The following MARCHF11 variants were observed in gnomAD, a reference collection of about 807,000 sequenced individuals.
MARCHF11 encodes membrane associated ring-CH-type finger 11, also known as E3 ubiquitin-protein ligase MARCHF11.
Under a neutral mutation model 37.3 loss-of-function variants are expected in MARCHF11, and 29 were observed. The ratio of observed to expected loss-of-function variants is 0.78; its 90% CI spans 0.58 to 1.06. MARCHF11 has a LOEUF of 1.06. Ranked by LOEUF, MARCHF11 falls within the 50% of genes least tolerant of loss-of-function variation. MARCHF11 has a pLI of 0.00. For synonymous variants in MARCHF11, 233 were observed against 228.0 expected (o/e 1.02, Z -0.20); for missense variants, 482 against 533.4 (o/e 0.90, Z 0.95).
chr5:16,067,387 T>C lies in MARCHF11; in HGVS notation c.*84A>G, dbSNP rs1244517239. ...TTTAAAAAGTTCATAGATGTGTTTT[T>C]AGAAGTGCTATGGTTTTGCCATTCA... On this transcript the variant is annotated 3_prime_UTR_variant, in exon 4 of 4. Coordinates refer to ENST00000332432, the MANE Select transcript of MARCHF11 (RefSeq NM_001102562.3). 4 of 1,256,184 alleles carry C rather than the reference T, an allele frequency of 3.2e-6. No individual in the cohort carries two copies. The highest frequency in any genetic ancestry group is 3.0e-5 in the African/African-American group (2 of 66,762). The allele number at this position is 1,256,184 out of a possible 1,614,324, so 77.8% of individuals were successfully genotyped here.
intron 3 of MARCHF11, among the ~76,000 whole-genome samples, chr5:16,070,262 C>T (rs1338938092): frequency 6.6e-6 from 1 of 152,066 alleles, no homozygotes; most frequent in East Asian, 1.9e-4. Context: ...TCAATTTTTC[C>T]TCCTTAAAAT....
chr5:16,127,316 C>T (rs145427698), intron 2 of MARCHF11, among the ~76,000 whole-genome samples: 84 of 152,228 alleles, frequency 5.5e-4, no homozygotes, highest in Admixed American at 1.1e-3. Flanking sequence ...GACCAGATGT[C>T]GGTCACACAA....
At chr5:16,104,724 T>C (rs546025550) in intron 2 of MARCHF11, among the ~76,000 whole-genome samples, 68 of 152,062 alleles carry the variant, frequency 4.5e-4, no homozygotes, top group Non-Finnish European at 8.4e-4. Flanking sequence ...TTTTGTTTTG[T>C]TTTTCTTTTT....
intron 2 of MARCHF11, among the ~76,000 whole-genome samples, chr5:16,176,754 C>T (rs1015691936): frequency 6.6e-6 from 1 of 152,078 alleles, no homozygotes; most frequent in Non-Finnish European, 1.5e-5. Context: ...TATTACATTG[C>T]TGAATAAAAA....
At chr5:16,160,583 T>C (rs2126604120) in intron 2 of MARCHF11, among the ~76,000 whole-genome samples, 1 of 151,590 alleles carries the variant, frequency 6.6e-6, no homozygotes, top group East Asian at 1.9e-4. Context: ...ATGCCTGAGA[T>C]CACATGCTTT....
chr5:16,112,326 A>G (rs10055214), intron 2 of MARCHF11, among the ~76,000 whole-genome samples: 39,605 of 151,904 alleles, frequency 0.26, 6,249 homozygotes, highest in African/African-American at 0.45. Context: ...AGCCACAGGG[A>G]AAGAGCCGAC....
At chr5:16,100,770 A>C (rs2126563261) in intron 2 of MARCHF11, among the ~76,000 whole-genome samples, 1 of 152,304 alleles carries the variant, frequency 6.6e-6, no homozygotes, top group East Asian at 1.9e-4. Context: ...AGGTGTAAAA[A>C]GTTTTCTTAG....
At chr5:16,152,192 C>T (rs1331547866) in intron 2 of MARCHF11, among the ~76,000 whole-genome samples, 3 of 151,846 alleles carry the variant, frequency 2.0e-5, no homozygotes, top group Admixed American at 2.0e-4. Flanking sequence ...TCTCTCAAGA[C>T]GAATATGTAA....
At chr5:16,175,982 A>T (rs1738347331) in intron 2 of MARCHF11, among the ~76,000 whole-genome samples, 1 of 152,240 alleles carries the variant, frequency 6.6e-6, no homozygotes, top group Non-Finnish European at 1.5e-5. Context: ...AAGGAAAATC[A>T]TATGCACAGT....
intron 2 of MARCHF11, among the ~76,000 whole-genome samples, chr5:16,102,661 G>A (rs1579382496): frequency 1.3e-5 from 2 of 152,088 alleles, no homozygotes; most frequent in African/African-American, 4.8e-5. Context: ...CACTTCCATT[G>A]CTCAGTAAAA....
At chr5:16,174,547 G>T (rs1397787741) in intron 2 of MARCHF11, among the ~76,000 whole-genome samples, 1 of 152,236 alleles carries the variant, frequency 6.6e-6, no homozygotes, top group Non-Finnish European at 1.5e-5. Flanking sequence ...ACACACACCT[G>T]CTTCCTGATA....
chr5:16,126,824 G>A (rs915059574), intron 2 of MARCHF11, among the ~76,000 whole-genome samples: 2 of 152,034 alleles, frequency 1.3e-5, no homozygotes, highest in South Asian at 2.1e-4. Flanking sequence ...CTTAAGGAAC[G>A]GTATTTTCAA....
intron 3 of MARCHF11, among the ~76,000 whole-genome samples, chr5:16,073,153 C>T (rs189184867): frequency 1.3e-5 from 2 of 152,184 alleles, no homozygotes; most frequent in African/African-American, 4.8e-5. Context: ...CTGTTTAATC[C>T]CATGTGCTAG....
At chr5:16,135,593 G>A (rs1417157014) in intron 2 of MARCHF11, among the ~76,000 whole-genome samples, 1 of 152,110 alleles carries the variant, frequency 6.6e-6, no homozygotes, top group Non-Finnish European at 1.5e-5. Flanking sequence ...ATGAGATCAT[G>A]TAGCTCAAGA....
intron 2 of MARCHF11, chr5:16,141,524 T>G (rs1737707668): frequency 1.3e-5 from 2 of 152,132 alleles, no homozygotes; most frequent in African/African-American, 4.8e-5. Flanking sequence ...TGCAAAAAGC[T>G]CAGCCATCTT....
chr5:16,156,844 G>A (rs1329810823), intron 2 of MARCHF11, among the ~76,000 whole-genome samples: 1 of 151,756 alleles, frequency 6.6e-6, no homozygotes, highest in Non-Finnish European at 1.5e-5. Context: ...GAATACTGTA[G>A]GCAATGGAAA....
At chr5:16,132,496 A>G (rs1737534664) in intron 2 of MARCHF11, among the ~76,000 whole-genome samples, 2 of 152,228 alleles carry the variant, frequency 1.3e-5, no homozygotes, top group Admixed American at 1.3e-4. Flanking sequence ...CAGTTTGTAC[A>G]CGGACCTCTA....
chr5:16,083,828 T>C (rs778855946), intron 3 of MARCHF11, among the ~76,000 whole-genome samples: 2 of 152,202 alleles, frequency 1.3e-5, no homozygotes, highest in Non-Finnish European at 2.9e-5. Context: ...TTCTAGCTGG[T>C]TTATATTCAT....
intron 2 of MARCHF11, among the ~76,000 whole-genome samples, chr5:16,162,810 T>C (rs781109757): frequency 3.3e-5 from 5 of 151,964 alleles, no homozygotes; most frequent in Admixed American, 3.3e-4. Context: ...TATAACACAA[T>C]TTTATGTATT....
Sources: gnomAD v4.1 joint callset for allele counts (sites outside exome capture counted in the v4.1 genomes callset) on GRCh38, gnomAD v4.1.1 for gene constraint, MANE v1.5 for transcripts, NCBI Gene and HGNC (gene_info 2026-07-23, HGNC 2026-07-21) for gene names.